Variants in EDAR observed in about 807,000 individuals in gnomAD.
EDAR encodes the protein ectodysplasin A receptor.
EDAR carries 38 observed loss-of-function variants against 51.3 expected under a neutral mutation model. The observed-to-expected ratio is 0.74, with a 90% CI of 0.57 to 0.97. EDAR has a LOEUF of 0.97. Among genes scored for constraint, EDAR ranks in the 50% least tolerant of loss-of-function variants. The pLI, the probability that EDAR is intolerant of heterozygous loss-of-function variation, is 0.00. For synonymous variants in EDAR, 227 were observed against 242.1 expected (o/e 0.94, Z 0.58); for missense variants, 528 against 595.0 (o/e 0.89, Z 1.17).
chr2:108,982,196 C>G (rs776070828), intron 1 of EDAR, among the ~76,000 whole-genome samples: 6 of 152,230 alleles, frequency 3.9e-5, no homozygotes, highest in Non-Finnish European at 5.9e-5. Flanking sequence ...CGTTGTCTTA[C>G]AGCAAATGCA....
chr2:108,922,266 G>A (rs1369486471), intron 5 of EDAR, among the ~76,000 whole-genome samples: 1 of 152,236 alleles, frequency 6.6e-6, no homozygotes, highest in Non-Finnish European at 1.5e-5. Context: ...GAATGATCTG[G>A]CCTTGAATCA....
At chr2:108,946,692 G>A (rs1374531817) in intron 1 of EDAR, among the ~76,000 whole-genome samples, 1 of 152,108 alleles carries the variant, frequency 6.6e-6, no homozygotes, top group Non-Finnish European at 1.5e-5. Flanking sequence ...AGTGAAGAGG[G>A]AAGTGCCAGA....
intron 6 of EDAR, among the ~76,000 whole-genome samples, chr2:108,911,333 G>A (rs1696926061): frequency 6.6e-6 from 1 of 152,162 alleles, no homozygotes; most frequent in South Asian, 2.1e-4. Flanking sequence ...TGTTCCTAGG[G>A]AGTTTGCTCT....
intron 1 of EDAR, among the ~76,000 whole-genome samples, chr2:108,954,250 A>G (rs1367054760): frequency 6.6e-6 from 1 of 152,242 alleles, no homozygotes; most frequent in Non-Finnish European, 1.5e-5. Flanking sequence ...TCCGGAGACC[A>G]GCAGCAGATT....
rs200461168 is a variant in EDAR at position 108,970,592 on chromosome 2, ACCAGG to A, written c.-19+18363_-19+18367del. 7.3e-3 allele frequency among the ~76,000 whole-genome samples: 1,104 copies of A among 152,214 alleles called. 8 individuals carry two copies. Among genetic ancestry groups the A allele is most frequent in the South Asian group, 0.028 (136 of 4,814 alleles). On this transcript the variant is annotated intron_variant, in intron 1 of 11. Transcript: ENST00000258443. ...TTGCAGGCAGGCCACACAGAGAATA[ACCAGG>A]GTGGGGCAGGGGACCAAGGTCTAAG...
chr2:108,964,029 G>A (rs1409266599), intron 1 of EDAR, among the ~76,000 whole-genome samples: 2 of 152,168 alleles, frequency 1.3e-5, no homozygotes, highest in African/African-American at 4.8e-5. Context: ...TGTGGCTGCT[G>A]AGCCTGAACT....
chr2:108,937,521 G>A (rs1455155771), intron 1 of EDAR, among the ~76,000 whole-genome samples: 2 of 152,054 alleles, frequency 1.3e-5, no homozygotes, highest in African/African-American at 4.8e-5. Flanking sequence ...GCATGTGTAA[G>A]TGTAGGTGAG....
chr2:108,984,762 G>A lies in EDAR; in HGVS notation c.-19+4198C>T, dbSNP rs115996859. 2.4e-3 allele frequency among the ~76,000 whole-genome samples: 359 copies of A among 152,132 alleles called. 4 individuals are homozygous for A. The highest frequency in any genetic ancestry group is 8.0e-3 in the African/African-American group (332 of 41,512). ...GCAGCAGAATCTAAGCTCTGTGAGT[G>A]CAGGGATGTTCTCTCTCCTCACCCA... On this transcript the variant is annotated intron_variant, in intron 1 of 11. Transcript: ENST00000258443.
At chr2:108,983,966 G>A (rs559010056) in intron 1 of EDAR, among the ~76,000 whole-genome samples, 3 of 152,352 alleles carry the variant, frequency 2.0e-5, no homozygotes, top group Non-Finnish European at 4.4e-5. Flanking sequence ...GACTGTGGGA[G>A]TGTCCCAGCA....
chr2:108,969,546 G>A (rs1050859763), intron 1 of EDAR, among the ~76,000 whole-genome samples: 1 of 152,224 alleles, frequency 6.6e-6, no homozygotes, highest in African/African-American at 2.4e-5. Flanking sequence ...ATGCTATTCA[G>A]GGAGGGCTGT....
At chr2:108,967,996 G>A (rs1005859597) in intron 1 of EDAR, among the ~76,000 whole-genome samples, 4 of 152,196 alleles carry the variant, frequency 2.6e-5, no homozygotes, top group African/African-American at 9.7e-5. Context: ...AACAGGACGC[G>A]TGGAGAGATC....
At chr2:108,913,785 C>A (rs968833168) in intron 5 of EDAR, among the ~76,000 whole-genome samples, 1 of 151,880 alleles carries the variant, frequency 6.6e-6, no homozygotes, top group Non-Finnish European at 1.5e-5. Context: ...CCCGTCTCTA[C>A]TAAAAATACA....
chr2:108,898,022 A>G (rs1696632468), intron 11 of EDAR, among the ~76,000 whole-genome samples: 1 of 152,200 alleles, frequency 6.6e-6, no homozygotes, highest in Non-Finnish European at 1.5e-5. Flanking sequence ...AATAATAGCA[A>G]CCACAGACAA....
intron 4 of EDAR, among the ~76,000 whole-genome samples, chr2:108,927,764 C>G (rs1367564718): frequency 6.6e-6 from 1 of 152,066 alleles, no homozygotes; most frequent in Non-Finnish European, 1.5e-5. Context: ...TCCCATAGTC[C>G]CCTCAAATTC....
intron 1 of EDAR, among the ~76,000 whole-genome samples, chr2:108,964,327 G>T (rs1439643440): frequency 6.6e-6 from 1 of 152,124 alleles, no homozygotes; most frequent in Non-Finnish European, 1.5e-5. Flanking sequence ...AGGTCATCTG[G>T]ACTCCAGTTC....
chr2:108,937,615 TGTGA>T (rs531200984), intron 1 of EDAR, among the ~76,000 whole-genome samples: 28 of 81,422 alleles, frequency 3.4e-4, no homozygotes, highest in South Asian at 2.3e-3. Flanking sequence ...TGTATATGTG[TGTGA>T]GTGTCTGTAT....
chr2:108,929,976 A>G (rs1697332626), intron 3 of EDAR, 144 bp downstream of exon 3: 5 of 1,006,760 alleles, frequency 5.0e-6, no homozygotes, highest in Non-Finnish European at 5.7e-6. Flanking sequence ...CTTGCCATCA[A>G]TCTCAACGTC....
At chr2:108,899,156 G>A (rs1696655274) in intron 11 of EDAR, among the ~76,000 whole-genome samples, 1 of 150,090 alleles carries the variant, frequency 6.7e-6, no homozygotes, top group Non-Finnish European at 1.5e-5. Flanking sequence ...TAAAGACAAA[G>A]TCTTAGAAAC....
At chr2:108,956,441 C>T in intron 1 of EDAR, among the ~76,000 whole-genome samples, 1 of 152,238 alleles carries the variant, frequency 6.6e-6, no homozygotes, top group East Asian at 1.9e-4. Flanking sequence ...CAAATCCCTC[C>T]ATGTCCTCCA....
Sources: gnomAD v4.1 joint callset for allele counts (sites outside exome capture counted in the v4.1 genomes callset) on GRCh38, gnomAD v4.1.1 for gene constraint, MANE v1.5 for transcripts, NCBI Gene and HGNC (gene_info 2026-07-23, HGNC 2026-07-21) for gene names.